CAPN1: variants seen among roughly 807,000 people sequenced by gnomAD.
CAPN1 encodes calpain 1, also known as calpain-1 catalytic subunit.
Under a neutral mutation model 105.2 loss-of-function variants are expected in CAPN1, and 77 were observed. The ratio of observed to expected loss-of-function variants is 0.73; its 90% CI spans 0.61 to 0.88. The LOEUF (loss-of-function observed/expected upper bound fraction) is 0.88. Ranked by LOEUF, CAPN1 falls within the 40% of genes least tolerant of loss-of-function variation. The pLI, the probability that CAPN1 is intolerant of heterozygous loss-of-function variation, is 0.00. For synonymous variants in CAPN1, 355 were observed against 388.8 expected, an observed-to-expected ratio of 0.91 and a Z score of 1.02; for missense variants, 833 against 976.6, an observed-to-expected ratio of 0.85 and a Z score of 1.96.
intron 10 of CAPN1, among the ~76,000 whole-genome samples, chr11:65,190,850 T>C (rs1948710646): frequency 6.6e-6 from 1 of 152,118 alleles, no homozygotes; most frequent in South Asian, 2.1e-4. Flanking sequence ...GTAGCTGTGA[T>C]TACAGGTGCC....
At position 65,187,212 on chromosome 11, in the gene CAPN1, C is replaced by A; in HGVS notation, c.760-3C>A. 1 of 1,610,446 alleles carries A rather than the reference C, an allele frequency of 6.2e-7. No individual in the cohort carries two copies. The highest frequency in any genetic ancestry group is 8.5e-7 in the Non-Finnish European group (1 of 1,177,856). Reference sequence around the variant, plus strand: ...TGACCACAGTGTGTGCCTCTTTCTGCAGATCTCCAGCGTTCTAGACATGGA... The same window carrying A: ...TGACCACAGTGTGTGCCTCTTTCTGAAGATCTCCAGCGTTCTAGACATGGA... On this transcript the variant is annotated splice_region_variant and splice_polypyrimidine_tract_variant and intron_variant, in intron 6 of 21. Coordinates refer to ENST00000279247, the MANE Select transcript of CAPN1 (RefSeq NM_005186.4).
In CAPN1 at chr11:65,210,406, C is replaced by T; in HGVS notation, c.2013C>T (p.Asp671=). The T allele has an allele frequency of 1.2e-6, 2 of 1,613,362 alleles. No homozygotes were observed. Among genetic ancestry groups the T allele is most frequent in the Non-Finnish European group, 1.7e-6 (2 of 1,179,720 alleles). Residue 671 remains aspartate (D), a synonymous_variant, in exon 20 of 22, where the codon GAC becomes GAT. Coordinates refer to ENST00000279247, the MANE Select transcript of CAPN1 (RefSeq NM_005186.4). This position sits in a 1 kb window ranked among gnomAD's most constrained non-coding sequence, Gnocchi z 4.3. ...TRYSEPDLAV[D]FDNFVCCLVR... ...ACTCGGAGCCCGACCTGGCGGTCGACTTTGACAATTTCGTTTGCTGCCTGG... is the reference window on the plus strand; with the variant it reads ...ACTCGGAGCCCGACCTGGCGGTCGATTTTGACAATTTCGTTTGCTGCCTGG...
In CAPN1 at chr11:65,187,989, G is replaced by A. The variant is rs956439042; in HGVS notation, c.878G>A (p.Arg293Gln). ...NYRGQVVSLI[R>Q]MRNPWGEVEW... Reference sequence around the variant, plus strand: ...CGAGGCCAGGTGGTGAGCCTGATCCGGATGCGGAACCCCTGGGGCGAGGTG... The same window carrying A: ...CGAGGCCAGGTGGTGAGCCTGATCCAGATGCGGAACCCCTGGGGCGAGGTG... Residue 293 changes from arginine to glutamine, a missense_variant, in exon 8 of 22, where the codon CGG (arginine) becomes CAG (glutamine). Arg to Gln is a conservative substitution (Grantham distance 43). Transcript: ENST00000279247. The A allele has an allele frequency of 1.2e-5, 18 of 1,562,706 alleles. No individual in the cohort carries two copies. The highest frequency in any genetic ancestry group is 1.7e-4 in the Middle Eastern group (1 of 6,020).
chr11:65,185,312 T>C (rs1228507997), intron 4 of CAPN1, among the ~76,000 whole-genome samples: 1 of 151,354 alleles, frequency 6.6e-6, no homozygotes, highest in East Asian at 1.9e-4. Context: ...AGACAGACTA[T>C]GGAAGGGGGA....
At chr11:65,189,813 A>G (rs1948693742) in intron 10 of CAPN1, among the ~76,000 whole-genome samples, 1 of 152,100 alleles carries the variant, frequency 6.6e-6, no homozygotes. Flanking sequence ...CATTTTCCAT[A>G]ATCCCCAGCA....
chr11:65,209,899 C>G lies in CAPN1; in HGVS notation c.1845C>G (p.Asn615Lys). The change falls in exon 18 of 22, where the codon AAC becomes AAG. Residue 615 changes from asparagine (N) to lysine (K), a missense_variant. Coordinates refer to ENST00000279247, the MANE Select transcript of CAPN1 (RefSeq NM_005186.4). The surrounding 1 kb of genome is among the most constrained non-coding windows in gnomAD (Gnocchi z 4.1). ...TGGTGGAGTTCAACATCCTGTGGAA[C>G]CGCATCCGGAATTACCTGGTAGGTT... Reference protein sequence around the residue: ...LGLVEFNILWNRIRNYLSIFR... With the variant: ...LGLVEFNILWKRIRNYLSIFR... The G allele has an allele frequency of 6.2e-7, 1 of 1,613,730 alleles. No homozygotes were observed. The highest frequency in any genetic ancestry group is 1.1e-5 in the South Asian group (1 of 91,078).
intron 10 of CAPN1, among the ~76,000 whole-genome samples, chr11:65,202,667 T>C (rs1196614336): frequency 6.6e-6 from 1 of 152,092 alleles, no homozygotes; most frequent in Non-Finnish European, 1.5e-5. Context: ...GGTCTCAAAC[T>C]CCTGACCTTA....
At position 65,210,370 on chromosome 11, in the gene CAPN1, C is replaced by T. The variant is rs371033722; in HGVS notation, c.1977C>T (p.Ile659=). 1.9e-6 allele frequency: 3 copies of T among 1,613,192 alleles called. No individual in the cohort carries two copies. In the African/African-American group the frequency reaches 4.0e-5, roughly 22 times the overall value. The change falls in exon 20 of 22, where the codon ATC becomes ATT. Residue 659 remains isoleucine, a synonymous_variant. Transcript: ENST00000279247. This position sits in a 1 kb window ranked among gnomAD's most constrained non-coding sequence, Gnocchi z 4.3. ...FKLNKKLYEL[I]ITRYSEPDLA... is the part of the protein sequence containing the mutation. ...TCAACAAGAAGCTGTACGAGCTCAT[C>T]ATCACCCGCTACTCGGAGCCCGACC...
intron 6 of CAPN1, 21 bp downstream of exon 6, chr11:65,186,359 T>C: frequency 6.3e-7 from 1 of 1,598,510 alleles, no homozygotes; most frequent in South Asian, 1.1e-5. Flanking sequence ...CCGGCCCCGA[T>C]GCTTTGGTAC....
intron 4 of CAPN1, among the ~76,000 whole-genome samples, chr11:65,184,694 G>T (rs928909225): frequency 2.0e-5 from 3 of 152,164 alleles, no homozygotes; most frequent in Non-Finnish European, 4.4e-5. Flanking sequence ...CAATGACACA[G>T]GTGCCCCTAA....
chr11:65,183,665 A>T (rs1948587947), intron 4 of CAPN1, 73 bp downstream of exon 4: 3 of 1,009,254 alleles, frequency 3.0e-6, no homozygotes, highest in African/African-American at 1.6e-5. Context: ...CAATACCTGC[A>T]GTTAGGGCCA....
At position 65,209,258 on chromosome 11, in the gene CAPN1, C is replaced by A; in HGVS notation, c.1730-65C>A. ...GTCCTTGACTCTGCCCCACCCAGTGCTCCCAGCAGGGGCAGGTGCAGGAAG... is the reference window on the plus strand; with the variant it reads ...GTCCTTGACTCTGCCCCACCCAGTGATCCCAGCAGGGGCAGGTGCAGGAAG... On this transcript the variant is annotated intron_variant, in intron 16 of 21. Transcript: ENST00000279247. The surrounding 1 kb of genome is among the most constrained non-coding windows in gnomAD (Gnocchi z 4.1). The A allele has an allele frequency of 7.4e-7, 1 of 1,345,182 alleles. No homozygotes were observed. The highest frequency in any genetic ancestry group is 1.1e-6 in the Non-Finnish European group (1 of 947,748). The allele number at this position is 1,345,182 out of a possible 1,614,324, so 83.3% of individuals were successfully genotyped here.
intron 10 of CAPN1, among the ~76,000 whole-genome samples, chr11:65,198,708 G>C (rs2137360837): frequency 6.6e-6 from 1 of 152,210 alleles, no homozygotes; most frequent in South Asian, 2.1e-4. Flanking sequence ...ATATCCTTTT[G>C]TATTTCCTTT....
intron 1 of CAPN1, chr11:65,182,374 A>G (rs1948550942): frequency 3.5e-6 from 1 of 287,790 alleles, no homozygotes; most frequent in Non-Finnish European, 6.5e-6. Flanking sequence ...GCTGTGTCCC[A>G]CCTGCCCAGT....
At chr11:65,186,919 TGTGCACATGCATGTTC>T (rs772240191) in intron 6 of CAPN1, among the ~76,000 whole-genome samples, 2 of 152,184 alleles carry the variant, frequency 1.3e-5, no homozygotes, top group Non-Finnish European at 2.9e-5. Flanking sequence ...CGGCTGTGTG[TGTGCACATGCATGTTC>T]GCACAGGTTC....
chr11:65,182,881 C>CT lies in CAPN1; in HGVS notation c.182dup (p.Val64GlyfsTer103). The CT allele has an allele frequency of 6.2e-7, 1 of 1,604,478 alleles. No homozygotes were observed. ...GTGGGACCCTCTTCCGTGATGAGGC[C>CT]TTCCCCCCGGTACCCCAGAGCCTGG... On this transcript the variant is annotated frameshift_variant, in exon 2 of 22. Coordinates refer to ENST00000279247, the MANE Select transcript of CAPN1 (RefSeq NM_005186.4). LOFTEE classifies it high-confidence loss of function.
rs1949025081 is a variant in CAPN1, at chr11:65,210,228, T to G, written c.1943-108T>G. ...GCCATCTTGTCCTTTTCCCCACGGT[T>G]ACTAGCACCCTGCCTAGCCCCAGCC... On this transcript the variant is annotated intron_variant, in intron 19 of 21. Transcript: ENST00000279247. This position sits in a 1 kb window ranked among gnomAD's most constrained non-coding sequence, Gnocchi z 4.3. 1 of 1,121,604 alleles carries G rather than the reference T, an allele frequency of 8.9e-7. No individual in the cohort carries two copies. The highest frequency in any genetic ancestry group is 1.9e-5 in the Admixed American group (1 of 52,460). The allele number at this position is 1,121,604 out of a possible 1,614,324, so 69.5% of individuals were successfully genotyped here. A position where few individuals can be genotyped will look rare whatever the true frequency, so the allele number is the denominator to read the frequency against.
At position 65,209,969 on chromosome 11, in the gene CAPN1, G is replaced by A. The variant is rs943998854; in HGVS notation, c.1864-49G>A. The A allele has an allele frequency of 6.2e-7, 1 of 1,611,568 alleles. No homozygotes were observed. Among genetic ancestry groups the A allele is most frequent in the Non-Finnish European group, 8.5e-7 (1 of 1,178,334 alleles). ...ATGCAGGTGCGGGCCGGGCAGGTGG[G>A]AAGGGCCGGGTGACTCAGCCTGGCC... On this transcript the variant is annotated intron_variant, in intron 18 of 21. Transcript: ENST00000279247. The surrounding 1 kb of genome is among the most constrained non-coding windows in gnomAD (Gnocchi z 4.1).
chr11:65,200,050 C>CT (rs2137365028), intron 10 of CAPN1, among the ~76,000 whole-genome samples: 1 of 152,222 alleles, frequency 6.6e-6, no homozygotes, highest in African/African-American at 2.4e-5. Context: ...CTTTTTCGTT[C>CT]TTTTTTATTT....
Sources: gnomAD v4.1 joint callset for allele counts (sites outside exome capture counted in the v4.1 genomes callset) on GRCh38, gnomAD v4.1.1 for gene constraint, Gnocchi (gnomAD v3.1) non-coding constraint, MANE v1.5 for transcripts, NCBI Gene and HGNC (gene_info 2026-07-23, HGNC 2026-07-21) for gene names.